The following GRID2 variants were observed in gnomAD, a reference collection of about 807,000 sequenced individuals.
GRID2 encodes glutamate ionotropic receptor delta type subunit 2.
In GRID2, 33 loss-of-function variants were observed where a neutral mutation model predicts 114.8. The ratio of observed to expected loss-of-function variants is 0.29; its 90% CI spans 0.22 to 0.38. The LOEUF (loss-of-function observed/expected upper bound fraction) is 0.38, where lower values mean the gene tolerates loss of function less well. Among genes scored for constraint, GRID2 ranks in the 10% least tolerant of loss-of-function variants. The probability of loss-of-function intolerance (pLI) is 1.00; values close to 1 mark genes in which losing one functional copy is unlikely to be tolerated. For synonymous variants in GRID2, 505 were observed against 449.9 expected, an observed-to-expected ratio of 1.12 and a Z score of -1.55; for missense variants, 1,184 against 1,257.7, an observed-to-expected ratio of 0.94 and a Z score of 0.89.
intron 1 of GRID2, among the ~76,000 whole-genome samples, chr4:92,556,643 G>A (rs1258640681): frequency 1.3e-5 from 2 of 152,072 alleles, no homozygotes; most frequent in Non-Finnish European, 2.9e-5. Flanking sequence ...GTCGACTGGG[G>A]ATGTAGTCAT....
At chr4:93,540,027 TC>T (rs1732500347) in intron 13 of GRID2, among the ~76,000 whole-genome samples, 1 of 152,016 alleles carries the variant, frequency 6.6e-6, no homozygotes, top group Non-Finnish European at 1.5e-5. Context: ...TTTCTGGAGT[TC>T]CTAGTATTTA....
At chr4:92,696,358 G>A (rs913973088) in intron 2 of GRID2, among the ~76,000 whole-genome samples, 9 of 151,998 alleles carry the variant, frequency 5.9e-5, no homozygotes, top group East Asian at 3.9e-4. Context: ...AGGGTAAAAC[G>A]CGAATATATA....
chr4:92,655,133 T>G (rs141072715), intron 2 of GRID2, among the ~76,000 whole-genome samples: 103 of 152,158 alleles, frequency 6.8e-4, no homozygotes, highest in African/African-American at 2.4e-3. Flanking sequence ...CCAAGCACCA[T>G]TTATTGAAGA....
intron 14 of GRID2, among the ~76,000 whole-genome samples, chr4:93,630,392 T>C (rs1743138000): frequency 6.6e-6 from 1 of 152,198 alleles, no homozygotes; most frequent in South Asian, 2.1e-4. Context: ...TTGACTTCAT[T>C]GTGCAATAAA....
intron 1 of GRID2, among the ~76,000 whole-genome samples, chr4:93,790,797 G>T (rs1734679712): frequency 6.6e-6 from 1 of 152,042 alleles, no homozygotes; most frequent in Non-Finnish European, 1.5e-5. Flanking sequence ...TAAAAGCCAG[G>T]GTTCACATCT....
At chr4:92,653,745 G>T (rs1579775027) in intron 2 of GRID2, among the ~76,000 whole-genome samples, 1 of 152,074 alleles carries the variant, frequency 6.6e-6, no homozygotes, top group East Asian at 1.9e-4. Context: ...CACTATTTCA[G>T]ACAAGTCACT....
intron 13 of GRID2, among the ~76,000 whole-genome samples, chr4:93,543,736 G>GAGAGAGAGAA (rs1014803424): frequency 1.3e-5 from 2 of 151,012 alleles, no homozygotes; most frequent in African/African-American, 2.4e-5. Context: ...GAGAGAGAGA[G>GAGAGAGAGAA]AGAGAGAGAG....
chr4:92,690,105 C>T (rs543095301), intron 2 of GRID2, among the ~76,000 whole-genome samples: 1 of 151,970 alleles, frequency 6.6e-6, no homozygotes, highest in African/African-American at 2.4e-5. Context: ...TCACAGCATG[C>T]TTAATGGGCA....
chr4:93,747,506 T>C (rs1299872000), intron 14 of GRID2, among the ~76,000 whole-genome samples: 2 of 152,188 alleles, frequency 1.3e-5, no homozygotes, highest in African/African-American at 4.8e-5. Context: ...TCAGTGCCTG[T>C]AGTTGCATGT....
intron 2 of GRID2, among the ~76,000 whole-genome samples, chr4:92,646,228 G>A (rs1241484359): frequency 1.3e-5 from 2 of 152,168 alleles, no homozygotes; most frequent in African/African-American, 2.4e-5. Flanking sequence ...GTGCCACTCA[G>A]CTATCTTCTT....
intron 2 of GRID2, among the ~76,000 whole-genome samples, chr4:92,697,529 G>A (rs937518461): frequency 6.6e-6 from 1 of 152,114 alleles, no homozygotes; most frequent in African/African-American, 2.4e-5. Context: ...AGAGATAACT[G>A]GCATGACCAA....
At chr4:92,762,612 A>AGT (rs919399151) in intron 2 of GRID2, among the ~76,000 whole-genome samples, 7 of 152,186 alleles carry the variant, frequency 4.6e-5, no homozygotes, top group African/African-American at 1.7e-4. Flanking sequence ...CCTAGGATGT[A>AGT]GTGATGCCCC....
intron 2 of GRID2, among the ~76,000 whole-genome samples, chr4:92,630,526 T>A (rs1730753428): frequency 6.6e-6 from 1 of 152,164 alleles, no homozygotes; most frequent in Non-Finnish European, 1.5e-5. Flanking sequence ...TGTGTTGTCC[T>A]AAGGATTCCT....
intron 2 of GRID2, among the ~76,000 whole-genome samples, chr4:93,058,530 T>TGAA (rs1727477512): frequency 6.6e-6 from 1 of 152,096 alleles, no homozygotes; most frequent in East Asian, 1.9e-4. Flanking sequence ...GGCTTTTTTT[T>TGAA]AGTTGTCCTT....
intron 1 of GRID2, among the ~76,000 whole-genome samples, chr4:92,432,624 T>G (rs1732516934): frequency 6.6e-6 from 1 of 151,878 alleles, no homozygotes; most frequent in Non-Finnish European, 1.5e-5. Context: ...CAGGCCTGAG[T>G]CTCTCTCTTC....
At chr4:93,340,107 T>C (rs1391920981) in intron 8 of GRID2, among the ~76,000 whole-genome samples, 1 of 152,182 alleles carries the variant, frequency 6.6e-6, no homozygotes, top group Non-Finnish European at 1.5e-5. Context: ...CAAAGGTGTG[T>C]CTAACTGCAA....
chr4:93,471,361 G>T (rs888709928), intron 11 of GRID2, among the ~76,000 whole-genome samples: 1 of 152,104 alleles, frequency 6.6e-6, no homozygotes, highest in Admixed American at 6.5e-5. Flanking sequence ...TTCAAAAATT[G>T]TATTCCGTAA....
intron 10 of GRID2, among the ~76,000 whole-genome samples, chr4:93,427,245 T>C (rs1768940268): frequency 6.6e-6 from 1 of 151,998 alleles, no homozygotes; most frequent in Admixed American, 6.6e-5. Context: ...ATATTCAAAC[T>C]TTATGAGGTG....
chr4:93,779,452 G>A (rs1300837608), downstream of GRID2, among the ~76,000 whole-genome samples: 2 of 152,084 alleles, frequency 1.3e-5, no homozygotes, highest in East Asian at 1.9e-4. Flanking sequence ...CATGGTGGCC[G>A]GGGAGAGGGG....
Sources: allele counts gnomAD v4.1 joint callset (sites outside exome capture counted in the v4.1 genomes callset), GRCh38; gene constraint gnomAD v4.1.1; transcripts MANE v1.5; gene names NCBI Gene and HGNC (gene_info 2026-07-23, HGNC 2026-07-21).